COL3A1: variants seen among roughly 807,000 people sequenced by gnomAD.
The protein encoded by COL3A1 is collagen alpha-1(III) chain.
A neutral mutation model predicts 200.9 loss-of-function variants in COL3A1; 46 were observed. That is an observed-to-expected ratio of 0.23 (90% CI 0.18 to 0.29). The LOEUF (loss-of-function observed/expected upper bound fraction) is 0.29, where lower values mean the gene tolerates loss of function less well. Among genes scored for constraint, COL3A1 ranks in the 10% least tolerant of loss-of-function variants. The pLI is 1.00. For missense variants in COL3A1, 1,367 were observed against 1,917.6 expected (o/e 0.71, Z 5.36); for synonymous variants, 650 against 628.0 (o/e 1.03, Z -0.52).
intron 7 of COL3A1, among the ~76,000 whole-genome samples, chr2:188,989,182 C>T (rs2153501842): frequency 7.5e-6 from 1 of 133,576 alleles, no homozygotes; most frequent in Non-Finnish European, 1.5e-5. Context: ...TTTATAAATA[C>T]ACATACGTAA....
At chr2:188,995,920 T>C in intron 22 of COL3A1, 130 bp downstream of exon 22, 1 of 982,128 alleles carries the variant, frequency 1.0e-6, no homozygotes, top group Non-Finnish European at 1.5e-6. Flanking sequence ...CAAAACAAAA[T>C]TCTTTTAAGT....
rs1688562704 is a variant in COL3A1 at position 189,005,389 on chromosome 2, G to A, written c.2971G>A (p.Glu991Lys). 6.2e-7 allele frequency: 1 copy of A among 1,614,006 alleles called. No individual in the cohort carries two copies. Among genetic ancestry groups the A allele is most frequent in the Non-Finnish European group, 8.5e-7 (1 of 1,179,996 alleles). ...GKPGANGLSG[E>K]RGPPGPQGLP... is the part of the protein sequence containing the mutation. ...ACCAGGAGCTAACGGTCTCAGTGGA[G>A]AACGTGGTCCCCCTGGACCCCAGGG... is the stretch of plus-strand genomic sequence containing the variant. Residue 991 changes from glutamate to lysine, a missense_variant, in exon 41 of 51, where the codon GAA (glutamate) becomes AAA (lysine). Physicochemically the swap from Glu to Lys is moderately conservative, Grantham distance 56. Around this residue, in one of 5 missense-constraint regions of COL3A1, gnomAD observed 846 missense variants for 1,147.9 expected, o/e 0.74. Coordinates refer to ENST00000304636, the MANE Select transcript of COL3A1 (RefSeq NM_000090.4).
At chr2:188,985,124 G>C in intron 2 of COL3A1, 73 bp from the exon 3 acceptor site, 1 of 1,477,936 alleles carries the variant, frequency 6.8e-7, no homozygotes, top group Non-Finnish European at 9.5e-7. Flanking sequence ...GATAAGGATT[G>C]GTTAGAATCT....
intron 5 of COL3A1, 90 bp downstream of exon 5, chr2:188,987,229 T>C: frequency 1.8e-6 from 2 of 1,092,680 alleles, no homozygotes; most frequent in Non-Finnish European, 1.4e-6. Flanking sequence ...GAATTCAGTA[T>C]TTTTATGGAA....
chr2:189,007,877 C>T lies in COL3A1; in HGVS notation c.3364-8C>T, dbSNP rs779073034. On this transcript the variant is annotated splice_region_variant and splice_polypyrimidine_tract_variant and intron_variant, in intron 45 of 50. Coordinates refer to ENST00000304636, the MANE Select transcript of COL3A1 (RefSeq NM_000090.4). ...CTTCACTCCTATGTACACTTCCTTT[C>T]TTTCCAGGGCCCTGCTGGTCAGCAG... 51 of 1,613,832 alleles carry T rather than the reference C, an allele frequency of 3.2e-5. No individual in the cohort carries two copies. In the Middle Eastern group the frequency reaches 5.1e-4, roughly 16 times the overall value.
At chr2:188,995,654 G>T in intron 21 of COL3A1, 38 bp from the exon 22 acceptor site, 1 of 1,399,280 alleles carries the variant, frequency 7.1e-7, no homozygotes, top group Non-Finnish European at 9.9e-7. Context: ...GTTAGTGAAG[G>T]CTATTTTAAT....
intron 1 of COL3A1, among the ~76,000 whole-genome samples, chr2:188,978,819 G>A (rs980378291): frequency 1.3e-5 from 2 of 151,188 alleles, no homozygotes; most frequent in African/African-American, 4.9e-5. Flanking sequence ...TTTTCAAAGG[G>A]GAAACTTTGC....
intron 7 of COL3A1, 57 bp from the exon 8 acceptor site, chr2:188,989,339 A>G: frequency 7.5e-7 from 1 of 1,330,754 alleles, no homozygotes; most frequent in Non-Finnish European, 1.1e-6. Flanking sequence ...CTGTGTAATA[A>G]TAAATTGTAA....
At chr2:189,001,515 A>T (rs750169966) in intron 33 of COL3A1, 21 bp from the exon 34 acceptor site, 1 of 1,614,166 alleles carries the variant, frequency 6.2e-7, no homozygotes, top group Non-Finnish European at 8.5e-7. Context: ...CAAGACAGTG[A>T]CATGGCTTCT....
intron 12 of COL3A1, 39 bp downstream of exon 12, chr2:188,991,570 T>C: frequency 6.2e-7 from 1 of 1,605,224 alleles, no homozygotes; most frequent in Non-Finnish European, 8.5e-7. Context: ...AGTTTTATTA[T>C]TAACCTCATT....
In COL3A1 at chr2:188,992,902, C is replaced by T; in HGVS notation, c.1012C>T (p.Pro338Ser). The T allele has an allele frequency of 6.2e-7, 1 of 1,613,984 alleles. No homozygotes were observed. The highest frequency in any genetic ancestry group is 8.5e-7 in the Non-Finnish European group (1 of 1,179,918). The change falls in exon 15 of 51, where the codon CCT (proline) becomes TCT (serine). Residue 338 changes from proline to serine, a missense_variant. Coordinates refer to ENST00000304636, the MANE Select transcript of COL3A1 (RefSeq NM_000090.4). ...ATTTTTTCAGGGCCCTCCTGGTCCTCCTGGAACTGCCGGATTCCCTGGATC... is the reference window on the plus strand; with the variant it reads ...ATTTTTTCAGGGCCCTCCTGGTCCTTCTGGAACTGCCGGATTCCCTGGATC... ...SDGQPGPPGP[P>S]GTAGFPGSPG...
intron 6 of COL3A1, among the ~76,000 whole-genome samples, 185 bp downstream of exon 6, chr2:188,988,319 T>C (rs1457604922): frequency 6.6e-6 from 1 of 152,170 alleles, no homozygotes; most frequent in African/African-American, 2.4e-5. Flanking sequence ...CCAACAGTTA[T>C]TAGCAATTGA....
intron 13 of COL3A1, 109 bp downstream of exon 13, chr2:188,991,831 A>C: frequency 9.4e-7 from 1 of 1,059,288 alleles, no homozygotes. Context: ...ACCTTCCTAC[A>C]AAATTATACT....
intron 47 of COL3A1, 100 bp from the exon 48 acceptor site, chr2:189,008,820 CAATG>C: frequency 8.0e-7 from 1 of 1,257,054 alleles, no homozygotes; most frequent in Non-Finnish European, 1.2e-6. Context: ...TCTGATGACA[CAATG>C]AATGAATTAT....
chr2:189,006,140 T>C, intron 41 of COL3A1, 66 bp from the exon 42 acceptor site: 2 of 1,520,064 alleles, frequency 1.3e-6, no homozygotes, highest in Non-Finnish European at 1.8e-6. Context: ...CTGCTGAGAA[T>C]GCATGGATGA....
chr2:188,993,484 TAAGCATAGTTTCATGCTTACTCCATGA>T lies in COL3A1; in HGVS notation c.1149+59_1149+85del, dbSNP rs531947962. ...TGTAAGTATCATAGTTGAGAGGGAG[TAAGCATAGTTTCATGCTTACTCCATGA>T]AAGCATAGTTTCATGCTTACTCCAT... On this transcript the variant is annotated intron_variant, in intron 16 of 50. Coordinates refer to ENST00000304636, the MANE Select transcript of COL3A1 (RefSeq NM_000090.4). 7,864 of 1,510,424 alleles carry T rather than the reference TAAGCATAGTTTCATGCTTACTCCATGA, an allele frequency of 5.2e-3. 298 individuals carry two copies. The African/African-American group carries it at 0.082, about 16-fold the overall frequency. The allele number at this position is 1,510,424 out of a possible 1,614,324, so 93.6% of individuals were successfully genotyped here.
intron 1 of COL3A1, among the ~76,000 whole-genome samples, chr2:188,984,081 C>T (rs1199983500): frequency 2.6e-5 from 4 of 151,872 alleles, no homozygotes; most frequent in Admixed American, 2.6e-4. Flanking sequence ...TATTCCTTGC[C>T]AATGTTTATT....
Position 188,994,267 on chromosome 2 carries a change from A to G in COL3A1, c.1228A>G (p.Met410Val), listed in dbSNP as rs779746039. 6.2e-7 allele frequency: 1 copy of G among 1,613,948 alleles called. No homozygotes were observed. The highest frequency in any genetic ancestry group is 8.5e-7 in the Non-Finnish European group (1 of 1,179,988). Reference protein sequence around the residue: ...PAGIPGAPGLMGARGPPGPAG... With the variant: ...PAGIPGAPGLVGARGPPGPAG... ...TGGCATTCCTGGAGCTCCTGGACTG[A>G]TGGGAGCCCGGGGTCCTCCAGGACC... is the stretch of plus-strand genomic sequence containing the variant. The change falls in exon 18 of 51, where the codon ATG becomes GTG. Residue 410 changes from methionine to valine, a missense_variant. Around this residue, in one of 5 missense-constraint regions of COL3A1, gnomAD observed 462 missense variants for 681.4 expected, o/e 0.68. Coordinates refer to ENST00000304636, the MANE Select transcript of COL3A1 (RefSeq NM_000090.4). This position sits in a 1 kb window ranked among gnomAD's most constrained non-coding sequence, Gnocchi z 4.5.
Position 188,995,079 on chromosome 2 carries a change from A to G in COL3A1, c.1489A>G (p.Asn497Asp). Reference sequence around the variant, plus strand: ...TGGGTTCCGAGGACCTGCTGGACCAAATGGCATCCCAGGAGAAAAGGTAGA... The same window carrying G: ...TGGGTTCCGAGGACCTGCTGGACCAGATGGCATCCCAGGAGAAAAGGTAGA... ...APGFRGPAGPNGIPGEKGPAG... is the reference protein window; with the variant it reads ...APGFRGPAGPDGIPGEKGPAG... The change falls in exon 21 of 51, where the codon AAT becomes GAT. Residue 497 changes from asparagine to aspartate, a missense_variant. By Grantham distance (23) the Asn-to-Asp change is conservative (BLOSUM62 1). This residue lies in a region of COL3A1 where 462 missense variants were observed against 681.4 expected (regional missense o/e 0.68). Coordinates refer to ENST00000304636, the MANE Select transcript of COL3A1 (RefSeq NM_000090.4). 1 of 1,614,220 alleles carries G rather than the reference A, an allele frequency of 6.2e-7. No individual in the cohort carries two copies. The highest frequency in any genetic ancestry group is 8.5e-7 in the Non-Finnish European group (1 of 1,180,028).
Sources: allele counts gnomAD v4.1 joint callset (sites outside exome capture counted in the v4.1 genomes callset), GRCh38; gene constraint gnomAD v4.1.1; regional missense constraint gnomAD v4.1.1; non-coding constraint Gnocchi (gnomAD v3.1); transcripts MANE v1.5; gene names NCBI Gene and HGNC (gene_info 2026-07-23, HGNC 2026-07-21).